Variants in NFATC3 observed in about 807,000 individuals in gnomAD.
The protein encoded by NFATC3 is nuclear factor of activated T-cells, cytoplasmic 3.
Under a neutral mutation model 98.6 loss-of-function variants are expected in NFATC3, and 46 were observed. That is an observed-to-expected ratio of 0.47 (90% confidence interval 0.37 to 0.60). The LOEUF (loss-of-function observed/expected upper bound fraction) is 0.60. Ranked by LOEUF, NFATC3 falls within the 20% of genes least tolerant of loss-of-function variation. The pLI, the probability that NFATC3 is intolerant of heterozygous loss-of-function variation, is 0.00. For synonymous variants in NFATC3, 512 were observed against 472.2 expected (o/e 1.08, Z -1.09); for missense variants, 1,256 against 1,295.5 (o/e 0.97, Z 0.47).
chr16:68,183,789 A>G (rs2151629519), intron 8 of NFATC3, among the ~76,000 whole-genome samples: 1 of 152,134 alleles, frequency 6.6e-6, no homozygotes, highest in East Asian at 1.9e-4. Flanking sequence ...GGATCACCTG[A>G]GGTTGGGAGT....
intron 1 of NFATC3, among the ~76,000 whole-genome samples, chr16:68,108,188 T>C (rs2035764345): frequency 6.6e-6 from 1 of 152,202 alleles, no homozygotes; most frequent in Admixed American, 6.5e-5. Flanking sequence ...TAGGTTTTCT[T>C]CTAGGGTTTT....
At chr16:68,144,032 G>A (rs149380965) in intron 3 of NFATC3, among the ~76,000 whole-genome samples, 67 of 152,152 alleles carry the variant, frequency 4.4e-4, no homozygotes, top group African/African-American at 1.3e-3. Flanking sequence ...CTTTAGCTCC[G>A]TGAAAGATGC....
intron 1 of NFATC3, among the ~76,000 whole-genome samples, chr16:68,118,530 T>A (rs2036408500): frequency 6.6e-6 from 1 of 152,176 alleles, no homozygotes; most frequent in African/African-American, 2.4e-5. Flanking sequence ...TCTTCTAACC[T>A]CTTAACTCAT....
At chr16:68,183,084 C>T (rs2040015817) in intron 7 of NFATC3, among the ~76,000 whole-genome samples, 156 bp from the exon 8 acceptor site, 1 of 152,078 alleles carries the variant, frequency 6.6e-6, no homozygotes, top group Non-Finnish European at 1.5e-5. Context: ...CTGAAGTATC[C>T]CTTTAGTAAA....
At chr16:68,124,859 G>A (rs905997617) in intron 2 of NFATC3, among the ~76,000 whole-genome samples, 2 of 152,202 alleles carry the variant, frequency 1.3e-5, no homozygotes, top group African/African-American at 2.4e-5. Flanking sequence ...CTCCCGAGTA[G>A]CTGGGATTCC....
chr16:68,113,945 C>G (rs1324865617), intron 1 of NFATC3, among the ~76,000 whole-genome samples: 2 of 152,224 alleles, frequency 1.3e-5, no homozygotes, highest in Non-Finnish European at 2.9e-5. Flanking sequence ...AAATGGCAGA[C>G]TGGAGCCGCA....
At chr16:68,212,785 C>CTTTTTTTTTTTTTTTTTTTTTTTTTT (rs534732425) in intron 9 of NFATC3, 1 of 106,934 alleles carries the variant, frequency 9.4e-6, no homozygotes, top group African/African-American at 3.8e-5. Flanking sequence ...ATTTCTTTCT[C>CTTTTTTTTTTTTTTTTTTTTTTTTTT]TTTTTTTTTT....
At chr16:68,197,856 AAC>A (rs2040741312) in intron 9 of NFATC3, among the ~76,000 whole-genome samples, 1 of 152,216 alleles carries the variant, frequency 6.6e-6, no homozygotes, top group South Asian at 2.1e-4. Flanking sequence ...CAAAGATCAA[AAC>A]ACATTTTCTT....
At position 68,142,124 on chromosome 16, in the gene NFATC3, G is replaced by T. The variant is rs143481084; in HGVS notation, c.1401+15514G>T. 5.6e-3 allele frequency among the ~76,000 whole-genome samples: 846 copies of T among 152,162 alleles called. 3 individuals are homozygous for T. Among genetic ancestry groups the T allele is most frequent in the Non-Finnish European group, 7.3e-3 (495 of 67,992 alleles). ...AAGATCAGCTGGTTGTAAGTAGTTG[G>T]CTTTTTTCCTAGGTTGTCTACTCTG... is the stretch of plus-strand genomic sequence containing the variant. On this transcript the variant is annotated intron_variant, in intron 3 of 9. Transcript: ENST00000346183.
At chr16:68,226,177 G>A (rs2042031582) in intron 9 of NFATC3, 173 bp from the exon 10 acceptor site, 1 of 654,606 alleles carries the variant, frequency 1.5e-6, no homozygotes, top group African/African-American at 1.9e-5. Flanking sequence ...GTAGTTTGTG[G>A]AGCGATGTTT....
chr16:68,224,274 CTTT>C (rs952835724), intron 9 of NFATC3, among the ~76,000 whole-genome samples: 2 of 121,636 alleles, frequency 1.6e-5, no homozygotes, highest in Admixed American at 8.5e-5. Flanking sequence ...TAAGCCAAAT[CTTT>C]TTTTTTTTTT....
chr16:68,153,325 G>A (rs1463014477), intron 3 of NFATC3, among the ~76,000 whole-genome samples: 1 of 152,190 alleles, frequency 6.6e-6, no homozygotes, highest in Non-Finnish European at 1.5e-5. Context: ...GGAAGGCTGA[G>A]TCAGGAGAAT....
At chr16:68,223,703 T>G (rs2041944955) in intron 9 of NFATC3, among the ~76,000 whole-genome samples, 1 of 151,712 alleles carries the variant, frequency 6.6e-6, no homozygotes, top group Non-Finnish European at 1.5e-5. Context: ...AAGACCAGCC[T>G]GGCCAAGATG....
intron 3 of NFATC3, among the ~76,000 whole-genome samples, chr16:68,140,292 G>A (rs890920516): frequency 2.0e-5 from 3 of 152,114 alleles, no homozygotes; most frequent in Non-Finnish European, 4.4e-5. Context: ...GCCAGAAAGG[G>A]GACTTCTTAT....
intron 3 of NFATC3, among the ~76,000 whole-genome samples, chr16:68,157,395 A>C (rs1218507432): frequency 6.6e-6 from 1 of 152,170 alleles, no homozygotes; most frequent in African/African-American, 2.4e-5. Context: ...GGGGTCTGTA[A>C]GTTTATACTT....
At chr16:68,163,408 G>A (rs1250669849) in intron 4 of NFATC3, among the ~76,000 whole-genome samples, 1 of 151,270 alleles carries the variant, frequency 6.6e-6, no homozygotes, top group Non-Finnish European at 1.5e-5. Flanking sequence ...GGCTGGCCGG[G>A]CAGAGGGGCT....
At chr16:68,136,844 A>G (rs545745269) in intron 3 of NFATC3, among the ~76,000 whole-genome samples, 1 of 152,342 alleles carries the variant, frequency 6.6e-6, no homozygotes, top group South Asian at 2.1e-4. Flanking sequence ...TAGCCTGGGC[A>G]ACATGTTGAG....
chr16:68,171,826 C>G (rs182457211), intron 5 of NFATC3, among the ~76,000 whole-genome samples: 293 of 150,842 alleles, frequency 1.9e-3, no homozygotes, highest in Non-Finnish European at 3.5e-3. Flanking sequence ...CTCGCTGTTT[C>G]GCCCAGGGGT....
At chr16:68,198,962 C>T (rs917167041) in intron 9 of NFATC3, among the ~76,000 whole-genome samples, 10 of 151,890 alleles carry the variant, frequency 6.6e-5, no homozygotes, top group African/African-American at 2.2e-4. Context: ...GCAGGGGAAT[C>T]GCTTGAACCC....
Sources: gnomAD v4.1 joint callset for allele counts (sites outside exome capture counted in the v4.1 genomes callset) on GRCh38, gnomAD v4.1.1 for gene constraint, MANE v1.5 for transcripts, NCBI Gene and HGNC (gene_info 2026-07-23, HGNC 2026-07-21) for gene names.